The following CCPG1 variants were observed in gnomAD, a reference collection of about 807,000 sequenced individuals.
CCPG1 encodes cell cycle progression 1.
In CCPG1, 46 loss-of-function variants were observed where a neutral mutation model predicts 81.3. The observed-to-expected ratio is 0.57, with a 90% confidence interval of 0.45 to 0.72. The LOEUF (loss-of-function observed/expected upper bound fraction) is 0.72, where lower values mean the gene tolerates loss of function less well. CCPG1 is among the 30% of genes least tolerant of loss of function. CCPG1 has a pLI of 0.00. For missense variants in CCPG1, 902 were observed against 937.6 expected, an observed-to-expected ratio of 0.96 and a Z score of 0.50; for synonymous variants, 330 against 305.2, an observed-to-expected ratio of 1.08 and a Z score of -0.85.
chr15:55,360,715 TTC>T lies in CCPG1; in HGVS notation c.1056_1057del (p.Lys353ThrfsTer2). On this transcript the variant is annotated frameshift_variant, in exon 8 of 9. Coordinates refer to ENST00000442196, the MANE Select transcript of CCPG1 (RefSeq NM_001204450.2). LOFTEE classifies it high-confidence loss of function. ...TTCCTCTTCCAAATGCTGCTTAAGTTTCTGATTTTCTTTAACTAATTCAGTAC... is the reference window on the plus strand; with the variant it reads ...TTCCTCTTCCAAATGCTGCTTAAGTTTGATTTTCTTTAACTAATTCAGTAC... 1.2e-6 allele frequency: 2 copies of T among 1,612,086 alleles called. No individual in the cohort carries two copies. The highest frequency in any genetic ancestry group is 1.7e-6 in the Non-Finnish European group (2 of 1,179,572).
intron 5 of CCPG1, among the ~76,000 whole-genome samples, chr15:55,375,218 C>CT (rs1189741645): frequency 1.3e-5 from 2 of 152,252 alleles, no homozygotes; most frequent in Non-Finnish European, 2.9e-5. Flanking sequence ...TAATTTCTTT[C>CT]TTTTTTTGAG....
rs367975723 is a variant in CCPG1 at position 55,402,282 on chromosome 15, C to T, written c.-10+5939G>A. Among the ~76,000 whole-genome samples the T allele has an allele frequency of 1.2e-4, 18 of 152,204 alleles. 1 individual carries two copies. The highest frequency in any genetic ancestry group is 7.2e-4 in the Admixed American group (11 of 15,272). Reference sequence around the variant, plus strand: ...TCTGTCACTCACCCAGGCGGGAGTACAGTGGCACCATCACAGCTCACTGTA... The same window carrying T: ...TCTGTCACTCACCCAGGCGGGAGTATAGTGGCACCATCACAGCTCACTGTA... On this transcript the variant is annotated intron_variant, in intron 1 of 8. Coordinates refer to ENST00000442196, the MANE Select transcript of CCPG1 (RefSeq NM_001204450.2).
intron 3 of CCPG1, among the ~76,000 whole-genome samples, chr15:55,380,992 C>A (rs1253722289): frequency 6.6e-6 from 1 of 151,126 alleles, no homozygotes; most frequent in African/African-American, 2.4e-5. Flanking sequence ...AAAAAATTAG[C>A]CGAGCGTGGT....
chr15:55,360,622 C>G lies in CCPG1; in HGVS notation c.1151G>C (p.Arg384Thr). The G allele has an allele frequency of 1.9e-6, 3 of 1,614,186 alleles. No individual in the cohort carries two copies. Among genetic ancestry groups the G allele is most frequent in the South Asian group, 2.2e-5 (2 of 91,086 alleles). ...TACTAGTCGTTCTCTCTCCAGTTCTCTCTTTAGCATCTTTGCTTCTGTCAA... is the reference window on the plus strand; with the variant it reads ...TACTAGTCGTTCTCTCTCCAGTTCTGTCTTTAGCATCTTTGCTTCTGTCAA... ...TLLTEAKMLK[R>T]ELERERLVTT... Residue 384 changes from arginine to threonine, a missense_variant, in exon 8 of 9, where the codon AGA (arginine) becomes ACA (threonine). Coordinates refer to ENST00000442196, the MANE Select transcript of CCPG1 (RefSeq NM_001204450.2).
Position 55,357,350 on chromosome 15 carries a change from G to A in CCPG1, c.2235-941C>T, listed in dbSNP as rs1383220109. On this transcript the variant is annotated intron_variant, in intron 8 of 8. Transcript: ENST00000442196. ...TGTTTTTTCCTTTCCTCTCCTACTAGTATAGTCCCAGTTTAGATGTTCATC... is the reference window on the plus strand; with the variant it reads ...TGTTTTTTCCTTTCCTCTCCTACTAATATAGTCCCAGTTTAGATGTTCATC... 5 of 984,972 alleles carry A rather than the reference G, an allele frequency of 5.1e-6. No homozygotes were observed. In the African/African-American group the frequency reaches 8.8e-5, roughly 17 times the overall value. The allele number at this position is 984,972 out of a possible 1,614,324, so 61.0% of individuals were successfully genotyped here.
chr15:55,371,695 TTAA>T (rs1381020774), intron 6 of CCPG1, 95 bp downstream of exon 6: 1 of 1,258,608 alleles, frequency 7.9e-7, no homozygotes. Flanking sequence ...GGCCACACAT[TTAA>T]TAATGGCACT....
chr15:55,403,167 C>CA, intron 1 of CCPG1, among the ~76,000 whole-genome samples: 1 of 152,174 alleles, frequency 6.6e-6, no homozygotes, highest in East Asian at 1.9e-4. Context: ...ACTTACAAAG[C>CA]AATTTCATTT....
chr15:55,357,226 T>C (rs565057505), intron 8 of CCPG1: 1 of 870,120 alleles, frequency 1.1e-6, no homozygotes, highest in Admixed American at 7.4e-5. Flanking sequence ...ATCTCAGTGG[T>C]ACTACTATCC....
At position 55,360,809 on chromosome 15, in the gene CCPG1, A is replaced by G. The variant is rs894204712; in HGVS notation, c.964T>C (p.Ser322Pro). The G allele has an allele frequency of 6.2e-7, 1 of 1,612,572 alleles. No homozygotes were observed. The highest frequency in any genetic ancestry group is 2.2e-5 in the East Asian group (1 of 44,858). The change falls in exon 8 of 9, where the codon TCC becomes CCC. Residue 322 changes from serine (S) to proline (P), a missense_variant. Coordinates refer to ENST00000442196, the MANE Select transcript of CCPG1 (RefSeq NM_001204450.2). ...TTGTTTAACTCTTCCTGTAATGAGG[A>G]TAAGGCTTTTTCTTCCTTCTCCAAG... The part of the protein sequence containing the change: ...VSLEKEEKAL[S>P]SLQEELNKLR...
At chr15:55,368,029 G>A (rs1057134037) in intron 6 of CCPG1, among the ~76,000 whole-genome samples, 7 of 152,102 alleles carry the variant, frequency 4.6e-5, no homozygotes, top group African/African-American at 1.2e-4. Flanking sequence ...ATTCCAAGAC[G>A]TTTTACAATA....
At chr15:55,360,998 A>C in intron 7 of CCPG1, 54 bp from the exon 8 acceptor site, 1 of 1,435,172 alleles carries the variant, frequency 7.0e-7, no homozygotes, top group Non-Finnish European at 9.2e-7. Context: ...TTAAAAGCTG[A>C]ATTTAAATCT....
intron 1 of CCPG1, among the ~76,000 whole-genome samples, chr15:55,397,624 T>C (rs2057046478): frequency 6.6e-6 from 1 of 152,140 alleles, no homozygotes; most frequent in African/African-American, 2.4e-5. Flanking sequence ...CACCGAGTAC[T>C]AGAATGGAAT....
chr15:55,376,898 T>C (rs755626370), intron 5 of CCPG1, 51 bp downstream of exon 5: 9 of 1,336,118 alleles, frequency 6.7e-6, no homozygotes, highest in Non-Finnish European at 9.5e-6. Flanking sequence ...CAAGCCTTTA[T>C]ATAAAATGTG....
intron 1 of CCPG1, among the ~76,000 whole-genome samples, chr15:55,406,436 C>CTTTTTTTTTTTTTTTTTTTTTTTTTTT (rs143238270): frequency 6.2e-4 from 78 of 126,248 alleles, no homozygotes; most frequent in Non-Finnish European, 8.3e-4. Context: ...TTCTTTTTCT[C>CTTTTTTTTTTTTTTTTTTTTTTTTTTT]TTTTTTTTTT....
intron 3 of CCPG1, among the ~76,000 whole-genome samples, chr15:55,381,096 C>G (rs2056682034): frequency 6.6e-6 from 1 of 151,922 alleles, no homozygotes; most frequent in Non-Finnish European, 1.5e-5. Flanking sequence ...GAGATCCCGC[C>G]ACTGCACTCC....
In CCPG1 at chr15:55,365,410, CTTTT is replaced by C. The variant is rs1315296226; in HGVS notation, c.707-105_707-102del. ...GTAATCTGCATATAAGCTATGTAGTCTTTTTTTTGTTTTTTTTTTTTGTTTTTTT... is the reference window on the plus strand; with the variant it reads ...GTAATCTGCATATAAGCTATGTAGTCTTTTGTTTTTTTTTTTTGTTTTTTT... On this transcript the variant is annotated intron_variant, in intron 6 of 8. Coordinates refer to ENST00000442196, the MANE Select transcript of CCPG1 (RefSeq NM_001204450.2). The C allele has an allele frequency of 2.9e-5, 16 of 547,276 alleles. No individual in the cohort carries two copies. In the East Asian group the frequency reaches 5.4e-4, roughly 19 times the overall value. The allele number at this position is 547,276 out of a possible 1,614,324, so 33.9% of individuals were successfully genotyped here. A position where few individuals can be genotyped will look rare whatever the true frequency, so the allele number is the denominator to read the frequency against.
At chr15:55,391,557 A>G (rs1331411775) in intron 1 of CCPG1, among the ~76,000 whole-genome samples, 1 of 152,226 alleles carries the variant, frequency 6.6e-6, no homozygotes, top group Non-Finnish European at 1.5e-5. Context: ...GAAATACACA[A>G]AGACTGAGCA....
At chr15:55,394,428 GAAA>G (rs1324855580) in intron 1 of CCPG1, among the ~76,000 whole-genome samples, 3 of 152,174 alleles carry the variant, frequency 2.0e-5, no homozygotes, top group Non-Finnish European at 2.9e-5. Context: ...TTTGTGATAA[GAAA>G]AACTGGCTGA....
chr15:55,402,235 A>AT (rs1214346874), intron 1 of CCPG1, among the ~76,000 whole-genome samples: 1 of 152,008 alleles, frequency 6.6e-6, no homozygotes, highest in Non-Finnish European at 1.5e-5. Context: ...TTATAGCTTT[A>AT]TTTTTAGAGA....
Sources: gnomAD v4.1 joint callset for allele counts (sites outside exome capture counted in the v4.1 genomes callset) on GRCh38, gnomAD v4.1.1 for gene constraint, MANE v1.5 for transcripts, NCBI Gene and HGNC (gene_info 2026-07-23, HGNC 2026-07-21) for gene names.